ZNF215: variants seen among roughly 807,000 people sequenced by gnomAD.
The protein encoded by ZNF215 is BWSCR2-associated zinc finger protein 2.
Under a neutral mutation model 27.2 loss-of-function variants are expected in ZNF215, and 24 were observed. The ratio of observed to expected loss-of-function variants is 0.88; its 90% CI spans 0.64 to 1.24. The LOEUF (loss-of-function observed/expected upper bound fraction) is 1.24, where lower values mean the gene tolerates loss of function less well. ZNF215 is among the 50% of genes most tolerant of loss of function. The pLI, the probability that ZNF215 is intolerant of heterozygous loss-of-function variation, is 0.00. For missense variants in ZNF215, 675 were observed against 605.7 expected (o/e 1.11, Z -1.20); for synonymous variants, 210 against 204.0 (o/e 1.03, Z -0.25).
intron 3 of ZNF215, 116 bp downstream of exon 3, chr11:6,932,788 C>G: frequency 2.1e-6 from 2 of 955,640 alleles, no homozygotes; most frequent in Non-Finnish European, 3.0e-6. Context: ...CTTTATATTA[C>G]TCTATTAGGA....
chr11:6,969,358 T>G (rs770794058), intron 5 of ZNF215, among the ~76,000 whole-genome samples: 4 of 152,160 alleles, frequency 2.6e-5, no homozygotes, highest in Non-Finnish European at 5.9e-5. Context: ...CTTGTGGAAT[T>G]AAGAAAACTC....
At chr11:6,953,166 C>T (rs1850153310) in intron 6 of ZNF215, among the ~76,000 whole-genome samples, 1 of 152,126 alleles carries the variant, frequency 6.6e-6, no homozygotes. Context: ...CTGCCCTTAA[C>T]ATTTTTTCCT....
intron 5 of ZNF215, among the ~76,000 whole-genome samples, chr11:6,970,064 G>A (rs1850691730): frequency 6.6e-6 from 1 of 152,058 alleles, no homozygotes; most frequent in Non-Finnish European, 1.5e-5. Context: ...TTACAAGCGT[G>A]AGCCACTGTG....
chr11:6,955,747 C>A lies in ZNF215; in HGVS notation c.770C>A (p.Thr257Asn), dbSNP rs754432722. ...SSHGVIMTRL[T>N]ESGHPSSDAW... ...CATGGAGTGATTATGACAAGGCTTA[C>A]CGAAAGTGGACACCCTTCTTCAGAT... Residue 257 changes from threonine (T) to asparagine (N), a missense_variant, in exon 7 of 7, where the codon ACC becomes AAC. Physicochemically the swap from Thr to Asn is moderately conservative, Grantham distance 65. Coordinates refer to ENST00000278319, the MANE Select transcript of ZNF215 (RefSeq NM_013250.4). The A allele has an allele frequency of 6.5e-5, 105 of 1,605,156 alleles. No homozygotes were observed. The highest frequency in any genetic ancestry group is 8.5e-5 in the Non-Finnish European group (100 of 1,177,458).
intron 3 of ZNF215, among the ~76,000 whole-genome samples, chr11:6,936,454 C>A (rs923090099): frequency 6.6e-6 from 1 of 151,972 alleles, no homozygotes; most frequent in Non-Finnish European, 1.5e-5. Context: ...AATAGAAAAT[C>A]TGAACTCAAC....
At position 6,932,140 on chromosome 11, in the gene ZNF215, C is replaced by T; in HGVS notation, c.-133C>T. ...GGCTTTGTGTCTAAAGTTTCTGGAA[C>T]TTTCCTCCTTACCGTGAAATAACTT... On this transcript the variant is annotated 5_prime_UTR_variant, in exon 3 of 7. Coordinates refer to ENST00000278319, the MANE Select transcript of ZNF215 (RefSeq NM_013250.4). 8.5e-7 allele frequency: 1 copy of T among 1,177,488 alleles called. No individual in the cohort carries two copies. The highest frequency in any genetic ancestry group is 2.0e-5 in the South Asian group (1 of 51,216). The allele number at this position is 1,177,488 out of a possible 1,614,324, so 72.9% of individuals were successfully genotyped here. A position where few individuals can be genotyped will look rare whatever the true frequency, so the allele number is the denominator to read the frequency against.
At chr11:6,978,990 C>T (rs560744977) in intron 5 of ZNF215, among the ~76,000 whole-genome samples, 1 of 152,128 alleles carries the variant, frequency 6.6e-6, no homozygotes, top group Admixed American at 6.6e-5. Context: ...AACAGCAGCA[C>T]TTCTGCTCAC....
intron 3 of ZNF215, among the ~76,000 whole-genome samples, chr11:6,933,347 T>C (rs1849326616): frequency 6.6e-6 from 1 of 152,252 alleles, no homozygotes; most frequent in South Asian, 2.1e-4. Flanking sequence ...TGGCAAGTTT[T>C]ATTTGAGGTC....
At chr11:6,955,090 T>C (rs1850273119) in intron 6 of ZNF215, among the ~76,000 whole-genome samples, 1 of 152,142 alleles carries the variant, frequency 6.6e-6, no homozygotes, top group African/African-American at 2.4e-5. Context: ...AAAGCACTAA[T>C]GTTGGAATTG....
chr11:6,981,354 T>C (rs1461581203), intron 5 of ZNF215, among the ~76,000 whole-genome samples: 1 of 151,638 alleles, frequency 6.6e-6, no homozygotes, highest in Non-Finnish European at 1.5e-5. Context: ...ATTTCTCTGA[T>C]GGCCAGTGAT....
rs192913397 is a variant in ZNF215, at chr11:6,943,210, G to T, written c.611G>T (p.Arg204Leu). Residue 204 changes from arginine (R) to leucine (L), a missense_variant, in exon 5 of 7, where the codon CGT becomes CTT. Arg to Leu is a moderately radical substitution (Grantham distance 102). Coordinates refer to ENST00000278319, the MANE Select transcript of ZNF215 (RefSeq NM_013250.4). ...LENFRNLNSL[R>L]KAHLLSKPFE... ...AACTTTAGGAACCTGAATTCATTGCGTAAAGGTGGTTTCTATATGTTTACC... is the reference window on the plus strand; with the variant it reads ...AACTTTAGGAACCTGAATTCATTGCTTAAAGGTGGTTTCTATATGTTTACC... The T allele has an allele frequency of 3.1e-6, 5 of 1,611,054 alleles. No individual in the cohort carries two copies. In the South Asian group the frequency reaches 5.5e-5, roughly 18 times the overall value.
chr11:6,933,768 C>T lies in ZNF215; in HGVS notation c.400+1096C>T, dbSNP rs1000406771. ...CGAGATGGCGCCACTGCACTCCAGC[C>T]TGGGCCACAGTGCTAGACTCCATCT... On this transcript the variant is annotated intron_variant, in intron 3 of 6. Coordinates refer to ENST00000278319, the MANE Select transcript of ZNF215 (RefSeq NM_013250.4). Among the ~76,000 whole-genome samples the T allele has an allele frequency of 3.5e-5, 5 of 143,422 alleles. No homozygotes were observed. In the South Asian group the frequency reaches 1.1e-3, roughly 32 times the overall value. The allele number at this position is 143,422 out of a possible 152,430, so 94.1% of individuals were successfully genotyped here.
chr11:6,982,934 A>C (rs1850988416), intron 5 of ZNF215, among the ~76,000 whole-genome samples: 1 of 150,860 alleles, frequency 6.6e-6, no homozygotes, highest in Non-Finnish European at 1.5e-5. Flanking sequence ...AAATAGAGAC[A>C]CAAAAAACCC....
intron 3 of ZNF215, among the ~76,000 whole-genome samples, chr11:6,934,438 A>AC (rs1258436460): frequency 1.3e-5 from 2 of 152,198 alleles, no homozygotes; most frequent in African/African-American, 4.8e-5. Flanking sequence ...GCTTAAAACA[A>AC]CATGAATATA....
chr11:6,967,882 G>C (rs957524796), intron 5 of ZNF215, among the ~76,000 whole-genome samples: 1 of 152,074 alleles, frequency 6.6e-6, no homozygotes, highest in African/African-American at 2.4e-5. Flanking sequence ...GTCCTGAATG[G>C]ATTGCCTAGG....
intron 5 of ZNF215, among the ~76,000 whole-genome samples, chr11:6,966,495 G>T (rs949225252): frequency 6.8e-6 from 1 of 147,746 alleles, no homozygotes; most frequent in African/African-American, 2.5e-5. Flanking sequence ...ATAAAAGTTG[G>T]AAAGAAAAAA....
In ZNF215 at chr11:6,956,086, A is replaced by G. The variant is rs749890087; in HGVS notation, c.1109A>G (p.Gln370Arg). Reference protein sequence around the residue: ...DLSLSTDIRHQKSHTTMNSYE... With the variant: ...DLSLSTDIRHRKSHTTMNSYE... ...AGTTTGAGTACAGATATTCGACACC[A>G]AAAAAGTCATACTACAATGAATTCC... Residue 370 changes from glutamine to arginine, a missense_variant, in exon 7 of 7, where the codon CAA becomes CGA. Coordinates refer to ENST00000278319, the MANE Select transcript of ZNF215 (RefSeq NM_013250.4). The G allele has an allele frequency of 3.7e-6, 6 of 1,611,952 alleles. No individual in the cohort carries two copies. Among genetic ancestry groups the G allele is most frequent in the Non-Finnish European group, 5.1e-6 (6 of 1,179,426 alleles).
At chr11:6,961,400 GAGA>G (rs1016996155), downstream of ZNF215, among the ~76,000 whole-genome samples, 36 of 152,060 alleles carry the variant, frequency 2.4e-4, no homozygotes, top group Non-Finnish European at 4.1e-4. Flanking sequence ...CTTTAATGGA[GAGA>G]AGGTCTGATA....
At chr11:6,988,824 T>A (rs1407249900), downstream of ZNF215, 1 of 152,132 alleles carries the variant, frequency 6.6e-6, no homozygotes, top group Non-Finnish European at 1.5e-5. Context: ...ATATAATACC[T>A]TGATAATTTT....
Sources: gnomAD v4.1 joint callset for allele counts (sites outside exome capture counted in the v4.1 genomes callset) on GRCh38, gnomAD v4.1.1 for gene constraint, MANE v1.5 for transcripts, NCBI Gene and HGNC (gene_info 2026-07-23, HGNC 2026-07-21) for gene names.